Variants in OXR1 observed in about 807,000 individuals in gnomAD.
The protein encoded by OXR1 is oxidation resistance 1, also known as oxidation resistance protein 1.
Under a neutral mutation model 104.6 loss-of-function variants are expected in OXR1, and 41 were observed. That is an observed-to-expected ratio of 0.39 (90% confidence interval 0.31 to 0.51). The LOEUF (loss-of-function observed/expected upper bound fraction) is 0.51. Ranked by LOEUF, OXR1 falls within the 20% of genes least tolerant of loss-of-function variation. The probability of loss-of-function intolerance (pLI) is 0.77; values close to 1 mark genes in which losing one functional copy is unlikely to be tolerated. For missense variants in OXR1, 955 were observed against 1,031.9 expected (o/e 0.93, Z 1.02); for synonymous variants, 348 against 348.4 (o/e 1.00, Z 0.01).
chr8:106,285,681 T>C (rs562647211), intron 1 of OXR1, among the ~76,000 whole-genome samples: 15 of 152,150 alleles, frequency 9.9e-5, no homozygotes, highest in Non-Finnish European at 1.8e-4. Context: ...TTCTGCATCG[T>C]GATGCACTTT....
intron 16 of OXR1, 136 bp from the exon 17 acceptor site, chr8:106,750,670 G>A (rs1175889836): frequency 1.6e-6 from 1 of 608,642 alleles, no homozygotes; most frequent in Admixed American, 3.6e-5. Context: ...AAACAAAATT[G>A]TGTCAGTGTG....
chr8:106,654,773 T>C (rs1824910806), intron 3 of OXR1, among the ~76,000 whole-genome samples: 1 of 152,156 alleles, frequency 6.6e-6, no homozygotes, highest in South Asian at 2.1e-4. Flanking sequence ...TTTTTGTACA[T>C]TGAAAGCCAC....
chr8:106,318,774 C>T (rs1012998162), intron 1 of OXR1, among the ~76,000 whole-genome samples: 1 of 152,084 alleles, frequency 6.6e-6, no homozygotes, highest in African/African-American at 2.4e-5. Flanking sequence ...TGCTTTTCTG[C>T]TAGTTTCTTA....
intron 3 of OXR1, among the ~76,000 whole-genome samples, chr8:106,529,399 A>G (rs1360262443): frequency 6.6e-6 from 1 of 152,220 alleles, no homozygotes; most frequent in Admixed American, 6.5e-5. Context: ...TTCAACTCTA[A>G]AATTAATATG....
chr8:106,460,437 C>T (rs1820841171), intron 2 of OXR1, among the ~76,000 whole-genome samples: 1 of 152,136 alleles, frequency 6.6e-6, no homozygotes, highest in Admixed American at 6.5e-5. Context: ...TAATGAGACA[C>T]AAAGACCTGT....
chr8:106,720,999 A>G (rs184502550), intron 11 of OXR1, among the ~76,000 whole-genome samples: 3 of 152,248 alleles, frequency 2.0e-5, no homozygotes, highest in Admixed American at 6.5e-5. Flanking sequence ...TTATCCTGCC[A>G]TCATTTATCA....
At chr8:106,363,890 C>T (rs1816353570) in intron 2 of OXR1, among the ~76,000 whole-genome samples, 1 of 152,070 alleles carries the variant, frequency 6.6e-6, no homozygotes, top group Admixed American at 6.6e-5. Context: ...ACATCAAGGC[C>T]CTGGAAGAAA....
At chr8:106,674,234 T>G (rs939909755) in intron 3 of OXR1, among the ~76,000 whole-genome samples, 2 of 152,190 alleles carry the variant, frequency 1.3e-5, no homozygotes, top group African/African-American at 4.8e-5. Context: ...CCATGGGAGC[T>G]CACCTCTTGC....
intron 2 of OXR1, among the ~76,000 whole-genome samples, chr8:106,454,884 T>G (rs77030010): frequency 1.1e-3 from 166 of 152,314 alleles, no homozygotes; most frequent in African/African-American, 3.8e-3. Flanking sequence ...CTTCCCCAGA[T>G]GGACGGGGTC....
intron 1 of OXR1, among the ~76,000 whole-genome samples, chr8:106,350,571 C>A (rs1815681408): frequency 6.6e-6 from 1 of 152,188 alleles, no homozygotes; most frequent in Admixed American, 6.5e-5. Flanking sequence ...GACAGCTGCA[C>A]TGCAGTGAGA....
chr8:106,302,315 G>A (rs1813270541), intron 1 of OXR1, among the ~76,000 whole-genome samples: 1 of 152,186 alleles, frequency 6.6e-6, no homozygotes, highest in Non-Finnish European at 1.5e-5. Context: ...GAGCGCGGTG[G>A]CTCACGCCTG....
At chr8:106,372,547 T>C (rs1382061063) in intron 2 of OXR1, among the ~76,000 whole-genome samples, 14 of 152,134 alleles carry the variant, frequency 9.2e-5, no homozygotes, top group East Asian at 3.9e-4. Flanking sequence ...ACTTTTTGAG[T>C]ACTGATGTGA....
intron 2 of OXR1, among the ~76,000 whole-genome samples, chr8:106,370,757 A>C (rs370206839): frequency 8.4e-4 from 128 of 152,270 alleles, no homozygotes; most frequent in African/African-American, 3.0e-3. Context: ...CAACTTGATC[A>C]TTGTGGATAA....
chr8:106,735,668 A>G (rs1369704037), intron 11 of OXR1, among the ~76,000 whole-genome samples: 2 of 152,186 alleles, frequency 1.3e-5, no homozygotes, highest in African/African-American at 4.8e-5. Flanking sequence ...GAAAAAAGAA[A>G]GAAAAATATA....
At chr8:106,400,165 G>A (rs1196743459) in intron 2 of OXR1, among the ~76,000 whole-genome samples, 1 of 151,942 alleles carries the variant, frequency 6.6e-6, no homozygotes, top group Non-Finnish European at 1.5e-5. Flanking sequence ...ACTCTTAGCA[G>A]TTGCATGTGT....
chr8:106,561,959 C>G (rs1816717374), intron 3 of OXR1, among the ~76,000 whole-genome samples: 1 of 152,228 alleles, frequency 6.6e-6, no homozygotes, highest in South Asian at 2.1e-4. Context: ...CACAAAAACA[C>G]CATCTAAAAG....
chr8:106,637,304 A>G (rs184110767), intron 3 of OXR1, among the ~76,000 whole-genome samples: 103 of 151,870 alleles, frequency 6.8e-4, no homozygotes, highest in Non-Finnish European at 1.3e-3. Flanking sequence ...TGTTATGTCA[A>G]AAGAAAGAAC....
intron 3 of OXR1, among the ~76,000 whole-genome samples, chr8:106,519,584 G>C (rs891856137): frequency 3.3e-5 from 5 of 152,094 alleles, no homozygotes; most frequent in African/African-American, 1.2e-4. Context: ...TGTGGTTGAC[G>C]TTAGCCTGTA....
chr8:106,558,029 A>G (rs1320762297), intron 3 of OXR1, among the ~76,000 whole-genome samples: 2 of 152,192 alleles, frequency 1.3e-5, no homozygotes, highest in African/African-American at 4.8e-5. Flanking sequence ...CTGGCTTTGA[A>G]CTTCCGCTTT....
Sources: allele counts gnomAD v4.1 joint callset (sites outside exome capture counted in the v4.1 genomes callset), GRCh38; gene constraint gnomAD v4.1.1; transcripts MANE v1.5; gene names NCBI Gene and HGNC (gene_info 2026-07-23, HGNC 2026-07-21).